The following APOBEC3F variants were observed in gnomAD, a reference collection of about 807,000 sequenced individuals.
APOBEC3F encodes DNA dC->dU-editing enzyme APOBEC-3F.
APOBEC3F carries 34 observed loss-of-function variants against 45.8 expected under a neutral mutation model. The observed-to-expected ratio is 0.74, with a 90% confidence interval of 0.57 to 0.99. The LOEUF is 0.99. Ranked by LOEUF, APOBEC3F falls within the 50% of genes least tolerant of loss-of-function variation. APOBEC3F has a pLI of 0.00. For synonymous variants in APOBEC3F, 192 were observed against 174.4 expected (o/e 1.10, Z -0.80); for missense variants, 459 against 474.1 (o/e 0.97, Z 0.30).
rs1927515519 is a variant in APOBEC3F at position 39,052,069 on chromosome 22, C to G, written c.724-5C>G. 1.2e-6 allele frequency: 2 copies of G among 1,610,942 alleles called. No individual in the cohort carries two copies. The highest frequency in any genetic ancestry group is 8.5e-7 in the Non-Finnish European group (1 of 1,177,456). The stretch of plus-strand genomic sequence containing the variant: ...TCCCCTGCCCTCCTCCTCCTCCTTC[C>G]CCAGGTGGATCCTGAGACCCATTGT... On this transcript the variant is annotated splice_polypyrimidine_tract_variant and splice_region_variant and intron_variant, in intron 5 of 6. Coordinates refer to ENST00000308521, the MANE Select transcript of APOBEC3F (RefSeq NM_145298.6).
At chr22:39,050,867 G>A (rs948578776) in intron 5 of APOBEC3F, among the ~76,000 whole-genome samples, 9 of 152,166 alleles carry the variant, frequency 5.9e-5, no homozygotes, top group Middle Eastern at 3.2e-3. Flanking sequence ...GAGGATGCCC[G>A]GTTAACGGAT....
At position 39,045,063 on chromosome 22, in the gene APOBEC3F, C is replaced by G. The variant is rs1445110615; in HGVS notation, c.294C>G (p.Asp98Glu). Reference sequence around the variant, plus strand: ...TTGTATCCTGGACCCCCTGCCCGGACTGTGTGGCGAAGCTGGCCGAATTCC... The same window carrying G: ...TTGTATCCTGGACCCCCTGCCCGGAGTGTGTGGCGAAGCTGGCCGAATTCC... ...TWFVSWTPCP[D>E]CVAKLAEFLA... is the part of the protein sequence containing the mutation. The change falls in exon 3 of 7, where the codon GAC becomes GAG. Residue 98 changes from aspartate to glutamate, a missense_variant. Asp to Glu is a conservative substitution (Grantham distance 45, BLOSUM62 2). Transcript: ENST00000308521. 5 of 1,613,984 alleles carry G rather than the reference C, an allele frequency of 3.1e-6. No individual in the cohort carries two copies. Among genetic ancestry groups the G allele is most frequent in the South Asian group, 1.1e-5 (1 of 91,062 alleles).
chr22:39,043,363 C>T (rs1486220585), intron 2 of APOBEC3F, among the ~76,000 whole-genome samples: 3 of 149,772 alleles, frequency 2.0e-5, no homozygotes, highest in Non-Finnish European at 3.0e-5. Context: ...TGCAATGACG[C>T]GATCTCGGCT....
intron 4 of APOBEC3F, among the ~76,000 whole-genome samples, chr22:39,048,921 G>T (rs1305203578): frequency 6.6e-6 from 1 of 152,092 alleles, no homozygotes; most frequent in Admixed American, 6.6e-5. Context: ...GGAGGTGCAG[G>T]TTGCAGTAAG....
In APOBEC3F at chr22:39,044,745, A is replaced by G. The variant is rs536656094; in HGVS notation, c.172-196A>G. Among the ~76,000 whole-genome samples the G allele has an allele frequency of 3.3e-4, 51 of 152,250 alleles. 1 individual carries two copies. Among genetic ancestry groups the G allele is most frequent in the African/African-American group, 1.1e-3 (47 of 41,554 alleles). On this transcript the variant is annotated intron_variant, in intron 2 of 6. Coordinates refer to ENST00000308521, the MANE Select transcript of APOBEC3F (RefSeq NM_145298.6). ...CTTCTAGGTGCCACCTCTTAAGGCCATTACAATAGCCATTAACACTGAACG... is the reference window on the plus strand; with the variant it reads ...CTTCTAGGTGCCACCTCTTAAGGCCGTTACAATAGCCATTAACACTGAACG...
At chr22:39,046,370 A>G (rs1269173156) in intron 4 of APOBEC3F, among the ~76,000 whole-genome samples, 1 of 152,104 alleles carries the variant, frequency 6.6e-6, no homozygotes, top group Non-Finnish European at 1.5e-5. Flanking sequence ...CAATGGGTCA[A>G]GCTTGCGTGG....
intron 2 of APOBEC3F, chr22:39,044,091 G>C: frequency 6.5e-7 from 1 of 1,549,336 alleles, no homozygotes; most frequent in Non-Finnish European, 8.7e-7. Context: ...AGGTGCCCAG[G>C]TCTTTCATCA....
rs371758756 is a variant in APOBEC3F, at chr22:39,040,915, C to T, written c.-46C>T. 2.6e-6 allele frequency: 4 copies of T among 1,558,228 alleles called. No individual in the cohort carries two copies. The highest frequency in any genetic ancestry group is 1.9e-5 in the Admixed American group (1 of 51,416). On this transcript the variant is annotated 5_prime_UTR_variant, in exon 1 of 7. Transcript: ENST00000308521. ...TGGAGCCTGGAGCAGAAAGTGAAAC[C>T]CTGGTGCTCCAGACAAAGATCTTAG...
chr22:39,047,025 G>A (rs946447863), intron 4 of APOBEC3F, among the ~76,000 whole-genome samples: 1 of 152,062 alleles, frequency 6.6e-6, no homozygotes, highest in African/African-American at 2.4e-5. Context: ...CAGGGTGGCC[G>A]GGGACACCAG....
chr22:39,042,469 G>A (rs761864587), intron 1 of APOBEC3F, among the ~76,000 whole-genome samples: 56 of 151,898 alleles, frequency 3.7e-4, no homozygotes, highest in Non-Finnish European at 7.1e-4. Flanking sequence ...CCACTACCAC[G>A]CTTGGCTAAT....
intron 4 of APOBEC3F, among the ~76,000 whole-genome samples, chr22:39,047,371 G>C (rs1269810065): frequency 1.3e-5 from 2 of 152,142 alleles, no homozygotes; most frequent in African/African-American, 4.8e-5. Flanking sequence ...CCTGCACTCA[G>C]ATGGGCCTGT....
Position 39,055,896 on chromosome 22 carries a change from C to T in APOBEC3F, c.*3201C>T, listed in dbSNP as rs74838578. ...TGTAAGCCCTTAAAAGGGCCAGGGA[C>T]TTCTTCAGGGAGCTCCAATCTTCAG... On this transcript the variant is annotated 3_prime_UTR_variant, in exon 7 of 7. Coordinates refer to ENST00000308521, the MANE Select transcript of APOBEC3F (RefSeq NM_145298.6). Among the ~76,000 whole-genome samples, 3,493 of 152,272 alleles carry T rather than the reference C, an allele frequency of 0.023. 64 individuals are homozygous for T. The highest frequency in any genetic ancestry group is 0.038 in the Non-Finnish European group (2,551 of 68,020).
In APOBEC3F at chr22:39,048,280, C is replaced by T. The variant is rs371355373; in HGVS notation, c.567-1145C>T. 1.7e-3 allele frequency among the ~76,000 whole-genome samples: 260 copies of T among 152,330 alleles called. 1 individual carries two copies. The highest frequency in any genetic ancestry group is 1.5e-3 in the East Asian group (8 of 5,178). On this transcript the variant is annotated intron_variant, in intron 4 of 6. Coordinates refer to ENST00000308521, the MANE Select transcript of APOBEC3F (RefSeq NM_145298.6). ...TCTCTGTGGCCTGGGCAGGTTACCC[C>T]GCCTCTCTGTGCCTCTGGCACCTCG...
At chr22:39,041,197 C>T (rs1423322206) in intron 1 of APOBEC3F, among the ~76,000 whole-genome samples, 2 of 152,014 alleles carry the variant, frequency 1.3e-5, no homozygotes, top group African/African-American at 4.8e-5. Flanking sequence ...CTGCCCCAGC[C>T]CAGGTGCCCT....
intron 5 of APOBEC3F, 134 bp from the exon 6 acceptor site, chr22:39,051,940 A>G: frequency 7.4e-7 from 1 of 1,349,528 alleles, no homozygotes; most frequent in Non-Finnish European, 1.0e-6. Flanking sequence ...GGGCAACAGG[A>G]GAGACCCTGT....
At chr22:39,049,655 G>C (rs1029577811) in intron 5 of APOBEC3F, 74 bp downstream of exon 5, 2 of 1,544,164 alleles carry the variant, frequency 1.3e-6, no homozygotes. Flanking sequence ...AATAAGTGAC[G>C]TGCCTGGCGT....
Position 39,052,311 on chromosome 22 carries a change from C to T in APOBEC3F, c.961C>T (p.Leu321=), listed in dbSNP as rs763310845. Residue 321 remains leucine (L), a synonymous_variant, in exon 6 of 7, where the codon CTG becomes TTG. Transcript: ENST00000308521. ...DTDYQEGLRS[L]SQEGASVEIM... ...AGATTACCAGGAGGGGCTCCGCAGC[C>T]TGAGTCAGGAAGGGGCCTCCGTGGA... 3.7e-6 allele frequency: 6 copies of T among 1,614,086 alleles called. No individual in the cohort carries two copies. The highest frequency in any genetic ancestry group is 1.7e-5 in the Admixed American group (1 of 60,002).
rs1927139151 is a variant in APOBEC3F at position 39,045,091 on chromosome 22, G to GGGT, written c.322_323insGGT (p.Ala108delinsGlySer). On this transcript the variant is annotated protein_altering_variant, in exon 3 of 7. Transcript: ENST00000308521. ...TGTGGCGAAGCTGGCCGAATTCCTG[G>GGGT]CTGAGCACCCCAATGTCACCCTGAC... 1.2e-6 allele frequency: 2 copies of GGGT among 1,611,198 alleles called. No homozygotes were observed. The highest frequency in any genetic ancestry group is 3.3e-5 in the Admixed American group (2 of 59,820).
Position 39,043,257 on chromosome 22 carries a change from C to T in APOBEC3F, c.171+167C>T, listed in dbSNP as rs372038573. On this transcript the variant is annotated intron_variant, in intron 2 of 6. Coordinates refer to ENST00000308521, the MANE Select transcript of APOBEC3F (RefSeq NM_145298.6). ...CCTTCCTGCTGGACCGTCCTGGGAT[C>T]GGATCGTGGAGGGGGTTTGCCTTTG... is the stretch of plus-strand genomic sequence containing the variant. 4.6e-5 allele frequency among the ~76,000 whole-genome samples: 7 copies of T among 150,642 alleles called. 1 individual carries two copies. The highest frequency in any genetic ancestry group is 1.3e-4 in the Admixed American group (2 of 15,136).
Sources: gnomAD v4.1 joint callset for allele counts (sites outside exome capture counted in the v4.1 genomes callset) on GRCh38, gnomAD v4.1.1 for gene constraint, MANE v1.5 for transcripts, NCBI Gene and HGNC (gene_info 2026-07-23, HGNC 2026-07-21) for gene names.